ADGB: variants seen among roughly 807,000 people sequenced by gnomAD.
The protein encoded by ADGB is androglobin, also known as calpain-7-like protein.
A neutral mutation model predicts 210.5 loss-of-function variants in ADGB; 172 were observed. The observed-to-expected ratio is 0.82, with a 90% CI of 0.72 to 0.93. The LOEUF is 0.93. Ranked by LOEUF, ADGB falls within the 40% of genes least tolerant of loss-of-function variation. The pLI, the probability that ADGB is intolerant of heterozygous loss-of-function variation, is 0.00. For missense variants in ADGB, 2,025 were observed against 1,964.8 expected, an observed-to-expected ratio of 1.03 and a Z score of -0.58; for synonymous variants, 658 against 662.7, an observed-to-expected ratio of 0.99 and a Z score of 0.11.
At chr6:146,777,459 G>GTAATTACCTTTTGAGTA in intron 29 of ADGB, among the ~76,000 whole-genome samples, 1 of 152,246 alleles carries the variant, frequency 6.6e-6, no homozygotes, top group Admixed American at 6.5e-5. Context: ...TTGGGGAAAG[G>GTAATTACCTTTTGAGTA]TAATTATACT....
intron 3 of ADGB, among the ~76,000 whole-genome samples, chr6:146,646,825 A>G (rs1775622267): frequency 6.6e-6 from 1 of 152,178 alleles, no homozygotes; most frequent in African/African-American, 2.4e-5. Flanking sequence ...ATGGTGGCTC[A>G]TGCCTGTAAT....
intron 9 of ADGB, among the ~76,000 whole-genome samples, chr6:146,679,243 C>A (rs1380385987): frequency 1.3e-5 from 2 of 152,162 alleles, no homozygotes; most frequent in East Asian, 3.9e-4. Flanking sequence ...CCACATTCCA[C>A]TTTCCTGATC....
chr6:146,736,473 T>G, intron 22 of ADGB, 25 bp from the exon 23 acceptor site: 1 of 1,413,220 alleles, frequency 7.1e-7, no homozygotes, highest in Non-Finnish European at 9.6e-7. Flanking sequence ...AGCTTAACGT[T>G]TTTATTATTT....
intron 3 of ADGB, among the ~76,000 whole-genome samples, chr6:146,649,849 A>G (rs1448237537): frequency 6.6e-6 from 1 of 152,180 alleles, no homozygotes; most frequent in Non-Finnish European, 1.5e-5. Flanking sequence ...TATGAACTTG[A>G]AAAGCATCTG....
intron 13 of ADGB, among the ~76,000 whole-genome samples, chr6:146,705,873 T>C (rs1421179565): frequency 6.6e-6 from 1 of 152,142 alleles, no homozygotes; most frequent in Non-Finnish European, 1.5e-5. Flanking sequence ...TCTTTAAATA[T>C]TTGGTAGAAT....
At chr6:146,645,646 C>A (rs1775598666) in intron 3 of ADGB, among the ~76,000 whole-genome samples, 2 of 151,892 alleles carry the variant, frequency 1.3e-5, no homozygotes, top group Admixed American at 1.3e-4. Flanking sequence ...AGCTATGTAT[C>A]TATATGAAAT....
At chr6:146,666,610 C>T (rs1775939276) in intron 6 of ADGB, among the ~76,000 whole-genome samples, 1 of 151,652 alleles carries the variant, frequency 6.6e-6, no homozygotes, top group African/African-American at 2.4e-5. Context: ...ATAAACATGC[C>T]TTGCAAATAC....
At chr6:146,780,136 A>G (rs1375359983) in intron 29 of ADGB, among the ~76,000 whole-genome samples, 1 of 152,090 alleles carries the variant, frequency 6.6e-6, no homozygotes, top group Non-Finnish European at 1.5e-5. Flanking sequence ...TTTGTATACT[A>G]TTGAAATTAA....
intron 8 of ADGB, among the ~76,000 whole-genome samples, chr6:146,673,277 C>T (rs1776040958): frequency 6.6e-6 from 1 of 152,080 alleles, no homozygotes; most frequent in South Asian, 2.1e-4. Context: ...AAGAGTGTGT[C>T]CCTTGCAGGT....
At chr6:146,672,570 C>T in intron 8 of ADGB, 103 bp downstream of exon 8, 1 of 1,327,516 alleles carries the variant, frequency 7.5e-7, no homozygotes, top group Non-Finnish European at 1.0e-6. Flanking sequence ...TTGATCCAGA[C>T]CCCAAGAGAG....
chr6:146,664,126 G>C, intron 5 of ADGB, 75 bp from the exon 6 acceptor site: 2 of 1,372,122 alleles, frequency 1.5e-6, no homozygotes, highest in Non-Finnish European at 9.7e-7. Flanking sequence ...AGTAATGTCA[G>C]CCACGTGCAA....
rs1778360867 is a variant in ADGB, at chr6:146,814,945, A to G, written c.4819-87A>G. ...CCTATGAATGTGTGGGCGTAAGGAC[A>G]GGGTAAAGGAATTTCATTTTTTTCT... On this transcript the variant is annotated intron_variant, in intron 35 of 35. Transcript: ENST00000397944. 6.1e-6 allele frequency: 8 copies of G among 1,305,618 alleles called. No individual in the cohort carries two copies. In the South Asian group the frequency reaches 9.0e-5, roughly 15 times the overall value. 80.9% of individuals were successfully genotyped at this position (1,305,618 alleles called of 1,614,324 possible).
rs143100412 is a variant in ADGB, at chr6:146,783,473, T to A, written c.4036-1145T>A. The stretch of plus-strand genomic sequence containing the variant: ...ACCTTCACAGTGCTCCCTTTCCTGA[T>A]CAAAATTTGATCCCAGAAAAGTCTC... On this transcript the variant is annotated intron_variant, in intron 30 of 35. Transcript: ENST00000397944. Among the ~76,000 whole-genome samples, 981 of 152,280 alleles carry A rather than the reference T, an allele frequency of 6.4e-3. 7 individuals carry two copies. Among genetic ancestry groups the A allele is most frequent in the African/African-American group, 0.022 (926 of 41,558 alleles).
At chr6:146,753,160 C>T (rs75605054) in intron 27 of ADGB, among the ~76,000 whole-genome samples, 9,455 of 151,896 alleles carry the variant, frequency 0.062, 979 homozygotes, top group African/African-American at 0.21. Flanking sequence ...AGGTGTATTA[C>T]GTAGTTATGT....
At chr6:146,772,967 A>ATCAC (rs1449607887) in intron 29 of ADGB, among the ~76,000 whole-genome samples, 2 of 152,156 alleles carry the variant, frequency 1.3e-5, no homozygotes, top group Non-Finnish European at 2.9e-5. Flanking sequence ...CTGGACTCAC[A>ATCAC]TCACTCACAG....
intron 20 of ADGB, 79 bp from the exon 21 acceptor site, chr6:146,733,041 G>T (rs919883484): frequency 4.6e-5 from 50 of 1,080,556 alleles, no homozygotes; most frequent in Middle Eastern, 6.6e-4. Context: ...TTTATTTTTA[G>T]AGTATCTAAA....
intron 29 of ADGB, among the ~76,000 whole-genome samples, chr6:146,781,651 A>G (rs1274315786): frequency 6.6e-6 from 1 of 152,120 alleles, no homozygotes; most frequent in Non-Finnish European, 1.5e-5. Context: ...AGGGAATAAT[A>G]AAGATTACAG....
At chr6:146,788,673 T>G in intron 33 of ADGB, 63 bp downstream of exon 33, 1 of 1,451,944 alleles carries the variant, frequency 6.9e-7, no homozygotes, top group Non-Finnish European at 9.4e-7. Context: ...TGGAAAAGAT[T>G]TTAACTTAAA....
At chr6:146,659,833 T>C (rs1276046535) in intron 5 of ADGB, among the ~76,000 whole-genome samples, 5 of 152,126 alleles carry the variant, frequency 3.3e-5, no homozygotes, top group Non-Finnish European at 7.4e-5. Flanking sequence ...AAGAAGCAGG[T>C]TAGCCATTGC....
Sources: gnomAD v4.1 joint callset for allele counts (sites outside exome capture counted in the v4.1 genomes callset) on GRCh38, gnomAD v4.1.1 for gene constraint, MANE v1.5 for transcripts, NCBI Gene and HGNC (gene_info 2026-07-23, HGNC 2026-07-21) for gene names.